Variants in CKAP5 observed in about 807,000 individuals in gnomAD.
The protein encoded by CKAP5 is cytoskeleton-associated protein 5.
A neutral mutation model predicts 232.8 loss-of-function variants in CKAP5; 27 were observed. The ratio of observed to expected loss-of-function variants is 0.12; its 90% confidence interval spans 0.09 to 0.16. CKAP5 has a LOEUF of 0.16. Ranked by LOEUF, CKAP5 falls within the 10% of genes least tolerant of loss-of-function variation. The pLI is 1.00. For missense variants in CKAP5, 1,838 were observed against 2,424.7 expected, an observed-to-expected ratio of 0.76 and a Z score of 5.08; for synonymous variants, 785 against 841.1, an observed-to-expected ratio of 0.93 and a Z score of 1.16.
Position 46,795,736 on chromosome 11 carries a change from T to C in CKAP5, c.1508A>G (p.Lys503Arg), listed in dbSNP as rs1404760319. The change falls in exon 13 of 44, where the codon AAG becomes AGG. Residue 503 changes from lysine (K) to arginine (R), a missense_variant. This residue lies in a region of CKAP5 where 767 missense variants were observed against 954.6 expected (regional missense o/e 0.80). Coordinates refer to ENST00000529230, the MANE Select transcript of CKAP5 (RefSeq NM_001008938.4). The stretch of plus-strand genomic sequence containing the variant: ...CTTATCAGCAGCTAGTCCAGCTTTC[T>C]TACCATGTATCAGTTCTACCTTTTC... ...CSEKVELIHG[K>R]KAGLAADKKE... 6.2e-7 allele frequency: 1 copy of C among 1,613,992 alleles called. No homozygotes were observed. The highest frequency in any genetic ancestry group is 2.2e-5 in the East Asian group (1 of 44,898).
At chr11:46,795,859 T>C in intron 12 of CKAP5, 83 bp from the exon 13 acceptor site, 3 of 1,190,468 alleles carry the variant, frequency 2.5e-6, no homozygotes, top group Non-Finnish European at 3.6e-6. Flanking sequence ...AAACCACAAC[T>C]ACACATAAGA....
intron 26 of CKAP5, among the ~76,000 whole-genome samples, chr11:46,768,917 T>C (rs2065225735): frequency 6.6e-6 from 1 of 152,036 alleles, no homozygotes; most frequent in Non-Finnish European, 1.5e-5. Flanking sequence ...CAAATTTTAT[T>C]TATTTTTATT....
At chr11:46,810,731 C>T (rs767680005) in intron 5 of CKAP5, among the ~76,000 whole-genome samples, 24 of 152,174 alleles carry the variant, frequency 1.6e-4, no homozygotes, top group Non-Finnish European at 2.9e-4. Flanking sequence ...CTTTTTAAGA[C>T]ACTCTCATTA....
In CKAP5 at chr11:46,780,440, A is replaced by G. The variant is rs751168998; in HGVS notation, c.2295T>C (p.Ala765=). The G allele has an allele frequency of 6.2e-7, 1 of 1,614,008 alleles. No homozygotes were observed. The highest frequency in any genetic ancestry group is 8.5e-7 in the Non-Finnish European group (1 of 1,179,912). ...AFISNVKTAL[A]ATNPAVRTAA... is the part of the protein sequence containing the mutation. ...GTTATGTACTCACTGGGTTTGTTGC[A>G]GCAAGAGCTGTCTTCACATTGCTAA... Residue 765 remains alanine (A), a synonymous_variant, in exon 19 of 44, where the codon GCT becomes GCC. Transcript: ENST00000529230.
At chr11:46,754,770 T>C in intron 36 of CKAP5, 118 bp downstream of exon 36, 1 of 779,666 alleles carries the variant, frequency 1.3e-6, no homozygotes. Flanking sequence ...ATACAATGCA[T>C]GTAAAATTCT....
chr11:46,788,361 G>A (rs2065416547), intron 16 of CKAP5, among the ~76,000 whole-genome samples: 2 of 152,232 alleles, frequency 1.3e-5, no homozygotes, highest in African/African-American at 4.8e-5. Flanking sequence ...GATCACCTGA[G>A]GTCAGGAGTT....
chr11:46,782,216 G>T (rs1408593163), intron 18 of CKAP5, among the ~76,000 whole-genome samples: 2 of 152,060 alleles, frequency 1.3e-5, no homozygotes, highest in East Asian at 3.9e-4. Context: ...TAACTCCCAT[G>T]AAACAGAAAT....
intron 13 of CKAP5, among the ~76,000 whole-genome samples, chr11:46,790,814 T>G (rs1313072159): frequency 6.6e-6 from 1 of 151,974 alleles, no homozygotes; most frequent in Non-Finnish European, 1.5e-5. Context: ...GCCTGGCTAA[T>G]TAAAAAAAAT....
chr11:46,824,000 C>G (rs2134695756), intron 1 of CKAP5, among the ~76,000 whole-genome samples: 1 of 152,254 alleles, frequency 6.6e-6, no homozygotes, highest in East Asian at 1.9e-4. Flanking sequence ...ACTTTTTAAA[C>G]ACGCTAATTC....
intron 1 of CKAP5, among the ~76,000 whole-genome samples, chr11:46,829,287 C>T (rs1255001669): frequency 6.6e-6 from 1 of 152,136 alleles, no homozygotes; most frequent in East Asian, 1.9e-4. Context: ...TATGATGATC[C>T]ACTTCCATTT....
intron 4 of CKAP5, among the ~76,000 whole-genome samples, chr11:46,815,028 C>G (rs1260861792): frequency 6.6e-6 from 1 of 152,058 alleles, no homozygotes; most frequent in African/African-American, 2.4e-5. Flanking sequence ...GCTTTTCCAC[C>G]AAAAGGCCAA....
chr11:46,841,997 CAAAAAAAAAA>C (rs3031699), intron 1 of CKAP5, among the ~76,000 whole-genome samples: 1 of 109,420 alleles, frequency 9.1e-6, no homozygotes, highest in Non-Finnish European at 1.8e-5. Flanking sequence ...GACTTTGGTT[CAAAAAAAAAA>C]AAAAAAAAAA....
chr11:46,808,236 A>C, intron 7 of CKAP5, 92 bp from the exon 8 acceptor site: 1 of 886,518 alleles, frequency 1.1e-6, no homozygotes, highest in South Asian at 1.6e-5. Flanking sequence ...AAGATACATA[A>C]TTTTTTTAAA....
At chr11:46,826,339 T>C (rs1242652091) in intron 1 of CKAP5, among the ~76,000 whole-genome samples, 1 of 152,200 alleles carries the variant, frequency 6.6e-6, no homozygotes. Context: ...TTGGAGTTAC[T>C]GCTCGACTGT....
At chr11:46,746,152 A>G (rs138803985) in intron 42 of CKAP5, among the ~76,000 whole-genome samples, 235 of 152,292 alleles carry the variant, frequency 1.5e-3, no homozygotes, top group African/African-American at 5.2e-3. Flanking sequence ...ACATTCTCAA[A>G]TGTAAGAGTA....
chr11:46,778,660 T>C, intron 20 of CKAP5, 61 bp from the exon 21 acceptor site: 1 of 1,392,962 alleles, frequency 7.2e-7, no homozygotes, highest in Non-Finnish European at 1.0e-6. Context: ...AACAAACAAA[T>C]TAGAGAGGGT....
chr11:46,832,579 C>G (rs1187190771), intron 1 of CKAP5, among the ~76,000 whole-genome samples: 1 of 152,168 alleles, frequency 6.6e-6, no homozygotes, highest in African/African-American at 2.4e-5. Context: ...TCATGTTGCT[C>G]CCTATTTAAC....
At chr11:46,779,808 G>A (rs532614944) in intron 20 of CKAP5, among the ~76,000 whole-genome samples, 1 of 151,868 alleles carries the variant, frequency 6.6e-6, no homozygotes, top group South Asian at 2.1e-4. Context: ...TTTTTTTGTA[G>A]AGAAGGTCTC....
intron 4 of CKAP5, among the ~76,000 whole-genome samples, chr11:46,812,111 C>CA (rs1216984561): frequency 3.3e-5 from 5 of 152,114 alleles, no homozygotes; most frequent in African/African-American, 4.8e-5. Flanking sequence ...GCAGGTAGAT[C>CA]ACCTGGGGTC....
Sources: gnomAD v4.1 joint callset for allele counts (sites outside exome capture counted in the v4.1 genomes callset) on GRCh38, gnomAD v4.1.1 for gene constraint, gnomAD v4.1.1 regional missense constraint, MANE v1.5 for transcripts, NCBI Gene and HGNC (gene_info 2026-07-23, HGNC 2026-07-21) for gene names.